The following NUDC variants were observed in gnomAD, a reference collection of about 807,000 sequenced individuals.
NUDC encodes nuclear migration protein nudC.
Under a neutral mutation model 45.0 loss-of-function variants are expected in NUDC, and 14 were observed. The observed-to-expected ratio is 0.31, with a 90% confidence interval of 0.21 to 0.49. The LOEUF (loss-of-function observed/expected upper bound fraction) is 0.49. Ranked by LOEUF, NUDC falls within the 20% of genes least tolerant of loss-of-function variation. The pLI, the probability that NUDC is intolerant of heterozygous loss-of-function variation, is 0.99. For missense variants in NUDC, 323 were observed against 426.2 expected (o/e 0.76, Z 2.13); for synonymous variants, 153 against 156.7 (o/e 0.98, Z 0.17).
intron 2 of NUDC, among the ~76,000 whole-genome samples, chr1:26,938,769 T>C: frequency 6.6e-6 from 1 of 152,050 alleles, no homozygotes; most frequent in East Asian, 1.9e-4. Context: ...TGAAAGAGGG[T>C]TTATTGACCA....
chr1:26,932,368 A>T (rs1406368175), intron 2 of NUDC, among the ~76,000 whole-genome samples: 2 of 151,794 alleles, frequency 1.3e-5, no homozygotes, highest in Non-Finnish European at 2.9e-5. Context: ...CAATGTAGAG[A>T]TGAAGTTTCA....
In NUDC at chr1:26,905,296, G is replaced by T. The variant is rs574871820; in HGVS notation, c.-16+2930G>T. Among the ~76,000 whole-genome samples, 93 of 150,308 alleles carry T rather than the reference G, an allele frequency of 6.2e-4. 1 individual carries two copies. In the Middle Eastern group the frequency reaches 0.014, roughly 22 times the overall value. ...CTGCCTCAGCTTCCCAAGTAGCTGG[G>T]ATTACAGGAACCTGCCAACACGCCT... On this transcript the variant is annotated intron_variant, in intron 2 of 6. Transcript: ENST00000435827.
At chr1:26,940,337 G>T (rs769921516) in intron 2 of NUDC, among the ~76,000 whole-genome samples, 1 of 152,022 alleles carries the variant, frequency 6.6e-6, no homozygotes, top group Non-Finnish European at 1.5e-5. Context: ...TTAGCCAGGC[G>T]TGGTGGCACA....
At chr1:26,914,823 C>T (rs987195485) in intron 3 of NUDC, among the ~76,000 whole-genome samples, 1 of 151,672 alleles carries the variant, frequency 6.6e-6, no homozygotes, top group African/African-American at 2.4e-5. Context: ...AAAAATTAGC[C>T]GGGCATGGTG....
Position 26,942,978 on chromosome 1 carries a change from T to C in NUDC, c.654T>C (p.Ile218=), listed in dbSNP as rs2124140880. 6.2e-7 allele frequency: 1 copy of C among 1,614,020 alleles called. No homozygotes were observed. The change falls in exon 6 of 9, where the codon ATT becomes ATC. Residue 218 remains isoleucine (I), a synonymous_variant. Transcript: ENST00000321265. ...RVGLKGQPAI[I]DGELYNEVKV... is the part of the protein sequence containing the mutation. ...GGCTCAAGGGGCAGCCAGCGATCATTGATGGGGAGCTCTACAATGAAGTGA... is the reference window on the plus strand; with the variant it reads ...GGCTCAAGGGGCAGCCAGCGATCATCGATGGGGAGCTCTACAATGAAGTGA...
chr1:26,945,523 G>A (rs755410694), intron 7 of NUDC, 45 bp from the exon 8 acceptor site: 46 of 1,611,222 alleles, frequency 2.9e-5, no homozygotes, highest in South Asian at 2.3e-4. Context: ...GAGGGGCCTC[G>A]TTGTTTCCAG....
chr1:26,945,322 AGGGT>A (rs902997287), intron 6 of NUDC, 64 bp from the exon 7 acceptor site: 8 of 1,324,656 alleles, frequency 6.0e-6, no homozygotes, highest in Admixed American at 1.7e-5. Flanking sequence ...TGGTTGTGAA[AGGGT>A]TAAGGGGTGA....
At chr1:26,913,330 T>C (rs2082039312) in intron 3 of NUDC, 1 of 1,298,558 alleles carries the variant, frequency 7.7e-7, no homozygotes, top group Non-Finnish European at 1.1e-6. Flanking sequence ...ATAACAGATA[T>C]CAAACCCTTA....
At chr1:26,930,448 G>A (rs1049743259) in intron 2 of NUDC, among the ~76,000 whole-genome samples, 16 of 152,196 alleles carry the variant, frequency 1.1e-4, no homozygotes, top group African/African-American at 2.9e-4. Flanking sequence ...ATTGTACCCA[G>A]CTCTTTTGTT....
rs2081994098 is a variant in NUDC at position 26,904,449 on chromosome 1, A to G, written c.-16+2083A>G. 2.0e-5 allele frequency among the ~76,000 whole-genome samples: 3 copies of G among 151,932 alleles called. No individual in the cohort carries two copies. The South Asian group carries it at 6.2e-4, about 31-fold the overall frequency. On this transcript the variant is annotated intron_variant, in intron 2 of 6. Coordinates refer to the NUDC transcript ENST00000435827. ...TATTACACACATATTTTTTAGCGAT[A>G]GTGTCTCAGTCTGTCGCCTAGGCTA...
intron 3 of NUDC, among the ~76,000 whole-genome samples, chr1:26,915,022 T>TACACACATACATAC (rs2082054556): frequency 6.8e-6 from 1 of 147,508 alleles, no homozygotes; most frequent in African/African-American, 2.5e-5. Flanking sequence ...TATATTTATA[T>TACACACATACATAC]GTATATGTGT....
intron 1 of NUDC, among the ~76,000 whole-genome samples, chr1:26,902,121 A>G (rs2081982089): frequency 6.6e-6 from 1 of 152,202 alleles, no homozygotes; most frequent in East Asian, 1.9e-4. Context: ...TCCTTCCCCA[A>G]GTGAGTTAGG....
At chr1:26,936,115 C>G (rs1430495137) in intron 2 of NUDC, among the ~76,000 whole-genome samples, 1 of 107,740 alleles carries the variant, frequency 9.3e-6, no homozygotes, top group Non-Finnish European at 1.9e-5. Context: ...ATTACAGGCA[C>G]CCACCACCAC....
In NUDC at chr1:26,923,494, T is replaced by G. The variant is rs540205243; in HGVS notation, c.82-595T>G. 1.6e-4 allele frequency among the ~76,000 whole-genome samples: 25 copies of G among 152,226 alleles called. No homozygotes were observed. In the East Asian group the frequency reaches 4.8e-3, roughly 29 times the overall value. ...CTTAGCCAGTGTCTTTTTTTTTGTT[T>G]AGACAAGAGTCTCTCACCCAGGCTG... On this transcript the variant is annotated intron_variant, in intron 1 of 8. Transcript: ENST00000321265.
chr1:26,900,454 A>G (rs745600036), intron 1 of NUDC: 1 of 1,604,120 alleles, frequency 6.2e-7, no homozygotes, highest in Non-Finnish European at 8.5e-7. Flanking sequence ...TTGGATTGTC[A>G]CATGATCAGC....
Position 26,912,002 on chromosome 1 carries a change from C to T in NUDC, c.93+767C>T, listed in dbSNP as rs146555254. 3.1e-6 allele frequency: 5 copies of T among 1,614,092 alleles called. No homozygotes were observed. In the African/African-American group the frequency reaches 5.3e-5, roughly 17 times the overall value. ...CAGGCGGCCTTGGGCTGCTGGGCAC[C>T]AGGGTTCCAGGACTTCACACAGCAC... On this transcript the variant is annotated intron_variant, in intron 3 of 6. Transcript: ENST00000435827.
chr1:26,928,292 T>C (rs1024709133), intron 2 of NUDC, among the ~76,000 whole-genome samples: 6 of 152,100 alleles, frequency 3.9e-5, no homozygotes, highest in Non-Finnish European at 7.4e-5. Flanking sequence ...TCATACTCTA[T>C]AAAAATACCA....
intron 1 of NUDC, among the ~76,000 whole-genome samples, chr1:26,901,010 G>A (rs946779019): frequency 1.3e-5 from 2 of 152,098 alleles, no homozygotes; most frequent in African/African-American, 4.8e-5. Context: ...CACTATGTTG[G>A]CAAACTTTAA....
chr1:26,911,692 G>T (rs1557666271), intron 3 of NUDC: 1 of 860,088 alleles, frequency 1.2e-6, no homozygotes, highest in East Asian at 2.7e-5. Context: ...TCCAATGTGG[G>T]GTGTGGCTGA....
Sources: allele counts gnomAD v4.1 joint callset (sites outside exome capture counted in the v4.1 genomes callset), GRCh38; gene constraint gnomAD v4.1.1; transcripts MANE v1.5; gene names NCBI Gene and HGNC (gene_info 2026-07-23, HGNC 2026-07-21).